ASIC4: variants seen among roughly 807,000 people sequenced by gnomAD.
ASIC4 encodes the protein acid-sensing ion channel 4.
ASIC4 carries 28 observed loss-of-function variants against 53.4 expected under a neutral mutation model. That is an observed-to-expected ratio of 0.52 (90% CI 0.39 to 0.72). The LOEUF (loss-of-function observed/expected upper bound fraction) is 0.72, where lower values mean the gene tolerates loss of function less well. Ranked by LOEUF, ASIC4 falls within the 30% of genes least tolerant of loss-of-function variation. The probability of loss-of-function intolerance (pLI) is 0.00; values close to 1 mark genes in which losing one functional copy is unlikely to be tolerated. For missense variants in ASIC4, 649 were observed against 729.7 expected (o/e 0.89, Z 1.27); for synonymous variants, 289 against 301.4 (o/e 0.96, Z 0.43).
In ASIC4 at chr2:219,538,184, C is replaced by T. The variant is rs1396230829; in HGVS notation, c.*138C>T. On this transcript the variant is annotated 3_prime_UTR_variant, in exon 10 of 10. Transcript: ENST00000358078. The stretch of plus-strand genomic sequence containing the variant: ...ACTCAGTTCCTGCTCTCATCCTCCC[C>T]TGCCCTGATGTCAGCTGCTTTGCAC... 18 of 731,682 alleles carry T rather than the reference C, an allele frequency of 2.5e-5. No homozygotes were observed. Among genetic ancestry groups the T allele is most frequent in the Middle Eastern group, 6.3e-4 (2 of 3,170 alleles). 45.3% of individuals were successfully genotyped at this position (731,682 alleles called of 1,614,324 possible). A position where few individuals can be genotyped will look rare whatever the true frequency, so the allele number is the denominator to read the frequency against.
At chr2:219,510,171 T>C (rs1694683111), upstream of ASIC4, among the ~76,000 whole-genome samples, 1 of 151,894 alleles carries the variant, frequency 6.6e-6, no homozygotes. The surrounding 1 kb of genome is among the most constrained non-coding windows in gnomAD (Gnocchi z 5.2). Context: ...CCCTAGTGTC[T>C]TGCCCTCAAC....
chr2:219,531,373 A>AG (rs1181415680), intron 1 of ASIC4, among the ~76,000 whole-genome samples: 1 of 152,156 alleles, frequency 6.6e-6, no homozygotes, highest in Non-Finnish European at 1.5e-5. Context: ...CTCAAAAAAA[A>AG]AAGAAGAGAA....
chr2:219,532,668 G>T lies in ASIC4; in HGVS notation c.1018+191G>T, dbSNP rs1186325972. 1.4e-5 allele frequency: 12 copies of T among 860,910 alleles called. 1 individual carries two copies. The highest frequency in any genetic ancestry group is 1.9e-5 in the Non-Finnish European group (11 of 570,870). The allele number at this position is 860,910 out of a possible 1,614,324, so 53.3% of individuals were successfully genotyped here. On this transcript the variant is annotated intron_variant, in intron 4 of 9. Coordinates refer to ENST00000358078, the MANE Select transcript of ASIC4 (RefSeq NM_018674.6). ...CATATGCATGTGGGAATGCCGGCAT[G>T]CAGATGCCTGTGTGCATGTTAATAT...
At chr2:219,528,508 G>A (rs56042015) in intron 1 of ASIC4, among the ~76,000 whole-genome samples, 33,827 of 151,536 alleles carry the variant, frequency 0.22, 3,935 homozygotes, top group African/African-American at 0.27. Context: ...GATTACATGC[G>A]TGAGTCCTGG....
chr2:219,530,429 G>A (rs1367306490), intron 1 of ASIC4, among the ~76,000 whole-genome samples: 2 of 152,282 alleles, frequency 1.3e-5, no homozygotes, highest in Non-Finnish European at 2.9e-5. Flanking sequence ...TCATTCAAGT[G>A]TCCCTTGTGC....
rs970935288 is a variant in ASIC4, at chr2:219,516,076, C to T, written c.582+770C>T. ...GCACGGGTGCATGCACACATGCACA[C>T]GCACACACGCACACGCACTGCTGGG... On this transcript the variant is annotated intron_variant, in intron 1 of 9. Coordinates refer to ENST00000358078, the MANE Select transcript of ASIC4 (RefSeq NM_018674.6). The surrounding 1 kb of genome is among the most constrained non-coding windows in gnomAD (Gnocchi z 4.9). Among the ~76,000 whole-genome samples the T allele has an allele frequency of 7.9e-5, 12 of 152,288 alleles. No homozygotes were observed. Among genetic ancestry groups the T allele is most frequent in the Non-Finnish European group, 1.6e-4 (11 of 68,020 alleles).
chr2:219,513,880 T>G (rs1365992343), upstream of ASIC4, among the ~76,000 whole-genome samples: 2 of 152,148 alleles, frequency 1.3e-5, no homozygotes. Context: ...CTGAGAATCT[T>G]GAAGTCACAG....
At chr2:219,515,882 G>A (rs542932005) in intron 1 of ASIC4, among the ~76,000 whole-genome samples, 26 of 152,176 alleles carry the variant, frequency 1.7e-4, no homozygotes, top group Admixed American at 9.2e-4. Flanking sequence ...TCACATGCCT[G>A]CCTCACAGAC....
At chr2:219,512,487 A>C (rs1002883865), upstream of ASIC4, among the ~76,000 whole-genome samples, 6 of 152,280 alleles carry the variant, frequency 3.9e-5, no homozygotes, top group Admixed American at 6.5e-5. Flanking sequence ...AACAGTAAAG[A>C]AAAATCAATA....
Position 219,532,942 on chromosome 2 carries a change from C to T in ASIC4, c.1075+3C>T. 1 of 1,613,880 alleles carries T rather than the reference C, an allele frequency of 6.2e-7. No homozygotes were observed. The highest frequency in any genetic ancestry group is 8.5e-7 in the Non-Finnish European group (1 of 1,179,822). On this transcript the variant is annotated splice_donor_region_variant and intron_variant, in intron 5 of 9. Coordinates refer to ENST00000358078, the MANE Select transcript of ASIC4 (RefSeq NM_018674.6). ...CGAGTGTGCAGACCACACACTGGGT[C>T]CGTGCTGCCTACCCTTTCCTACCTC...
upstream of ASIC4, among the ~76,000 whole-genome samples, chr2:219,509,347 T>C (rs977600543): frequency 6.8e-6 from 1 of 148,136 alleles, no homozygotes; most frequent in African/African-American, 2.5e-5. This position sits in a 1 kb window ranked among gnomAD's most constrained non-coding sequence, Gnocchi z 5.2. Flanking sequence ...AAGGGGTGGG[T>C]GGGGGCCAAG....
In ASIC4 at chr2:219,522,605, G is replaced by T. The variant is rs1190718677; in HGVS notation, c.582+7299G>T. 5.3e-5 allele frequency among the ~76,000 whole-genome samples: 8 copies of T among 151,352 alleles called. No homozygotes were observed. The South Asian group carries it at 1.5e-3, about 28-fold the overall frequency. On this transcript the variant is annotated intron_variant, in intron 1 of 9. Transcript: ENST00000358078. ...GCCTGGCTGGGGATCTGAGGTCGCG[G>T]GTTCAAATCCCACCCGAGCACCCAA...
Position 219,538,190 on chromosome 2 carries a change from T to G in ASIC4, c.*144T>G. The G allele has an allele frequency of 2.9e-6, 2 of 697,494 alleles. No individual in the cohort carries two copies. The highest frequency in any genetic ancestry group is 5.0e-6 in the Non-Finnish European group (2 of 400,830). 43.2% of individuals were successfully genotyped at this position (697,494 alleles called of 1,614,324 possible). On this transcript the variant is annotated 3_prime_UTR_variant, in exon 10 of 10. Coordinates refer to ENST00000358078, the MANE Select transcript of ASIC4 (RefSeq NM_018674.6). ...TTCCTGCTCTCATCCTCCCCTGCCC[T>G]GATGTCAGCTGCTTTGCACAAAGGT...
chr2:219,528,598 G>A (rs1312016170), intron 1 of ASIC4, among the ~76,000 whole-genome samples: 2 of 151,734 alleles, frequency 1.3e-5, no homozygotes, highest in East Asian at 1.9e-4. Context: ...GGAGTGCGGT[G>A]GTGTGATCTC....
the ASIC4 span, among the ~76,000 whole-genome samples, chr2:219,508,759 G>A: frequency 2.0e-5 from 3 of 147,208 alleles, no homozygotes; most frequent in Non-Finnish European, 4.5e-5. Context: ...GCGCCAGCCC[G>A]GGGAGGGTCT....
intron 1 of ASIC4, among the ~76,000 whole-genome samples, chr2:219,522,417 G>A (rs1694900715): frequency 1.3e-5 from 2 of 151,720 alleles, no homozygotes; most frequent in South Asian, 2.1e-4. Context: ...AGGTCCCCGG[G>A]GAGGGCTGGG....
At chr2:219,533,105 G>C (rs1190264964) in intron 5 of ASIC4, 166 bp downstream of exon 5, 1 of 730,130 alleles carries the variant, frequency 1.4e-6, no homozygotes, top group Non-Finnish European at 2.4e-6. Flanking sequence ...GAGGTCTGCG[G>C]ACCTCTGCAG....
intron 1 of ASIC4, among the ~76,000 whole-genome samples, chr2:219,521,772 C>G (rs143661273): frequency 6.6e-6 from 1 of 152,128 alleles, no homozygotes; most frequent in Non-Finnish European, 1.5e-5. Flanking sequence ...CTTGCCCTTC[C>G]AGGCTGGCCC....
intron 4 of ASIC4, 24 bp downstream of exon 4, chr2:219,532,501 C>T (rs764761162): frequency 6.3e-7 from 1 of 1,599,388 alleles, no homozygotes; most frequent in Admixed American, 1.7e-5. Context: ...CCCCAGCCAG[C>T]CCTCCATGCC....
Sources: gnomAD v4.1 joint callset for allele counts (sites outside exome capture counted in the v4.1 genomes callset) on GRCh38, gnomAD v4.1.1 for gene constraint, Gnocchi (gnomAD v3.1) non-coding constraint, MANE v1.5 for transcripts, NCBI Gene and HGNC (gene_info 2026-07-23, HGNC 2026-07-21) for gene names.